ZNF804B: variants seen among roughly 807,000 people sequenced by gnomAD.
ZNF804B encodes the protein zinc finger protein 804B, also known as zinc finger 804B.
In ZNF804B, 80 loss-of-function variants were observed where a neutral mutation model predicts 101.4. The ratio of observed to expected loss-of-function variants is 0.79; its 90% CI spans 0.66 to 0.95. The LOEUF is 0.95. Ranked by LOEUF, ZNF804B falls within the 40% of genes least tolerant of loss-of-function variation. The pLI is 0.00. For synonymous variants in ZNF804B, 622 were observed against 558.8 expected (o/e 1.11, Z -1.59); for missense variants, 1,673 against 1,561.9 (o/e 1.07, Z -1.20).
rs75125937 is a variant in ZNF804B, at chr7:88,785,149, C to A, written c.108+25065C>A. Among the ~76,000 whole-genome samples the A allele has an allele frequency of 8.1e-4, 124 of 152,208 alleles. 2 individuals are homozygous for A. The East Asian group carries it at 0.023, about 28-fold the overall frequency. On this transcript the variant is annotated intron_variant, in intron 1 of 3. Coordinates refer to ENST00000333190, the MANE Select transcript of ZNF804B (RefSeq NM_181646.5). ...TAACGTTGATGATTCTCAGACACCT[C>A]AAATTCGGCATGTTCAAAACGACAA...
chr7:89,281,080 A>G (rs1178325826), intron 2 of ZNF804B, among the ~76,000 whole-genome samples: 2 of 152,226 alleles, frequency 1.3e-5, no homozygotes, highest in African/African-American at 4.8e-5. Flanking sequence ...CTGAAAAGGT[A>G]GTCATATCAT....
rs79734979 is a variant in ZNF804B, at chr7:89,335,501, G to A, written c.2519G>A (p.Ser840Asn). 8.5e-4 allele frequency: 1,378 copies of A among 1,613,936 alleles called. 8 individuals are homozygous for A. The African/African-American group carries it at 0.014, about 17-fold the overall frequency. ...SNSQISCTGS[S>N]KKPPNCQGTQ... ...TCACAGATTTCCTGTACTGGAAGCA[G>A]TAAAAAACCACCTAATTGCCAGGGA... Residue 840 changes from serine to asparagine, a missense_variant, in exon 4 of 4, where the codon AGT becomes AAT. Coordinates refer to ENST00000333190, the MANE Select transcript of ZNF804B (RefSeq NM_181646.5).
At chr7:89,312,630 T>C (rs10274783) in intron 2 of ZNF804B, among the ~76,000 whole-genome samples, 31,514 of 152,014 alleles carry the variant, frequency 0.21, 4,040 homozygotes, top group Admixed American at 0.27. Context: ...GCTTCTAACA[T>C]GGGAGATCTT....
chr7:89,246,832 A>C (rs1479416551), intron 2 of ZNF804B, among the ~76,000 whole-genome samples: 1 of 152,044 alleles, frequency 6.6e-6, no homozygotes, highest in South Asian at 2.1e-4. Flanking sequence ...TATTAAAAGC[A>C]TATACTTGAG....
At chr7:89,247,804 G>A (rs1202263880) in intron 2 of ZNF804B, among the ~76,000 whole-genome samples, 1 of 151,906 alleles carries the variant, frequency 6.6e-6, no homozygotes, top group African/African-American at 2.4e-5. Context: ...TGGATTACAA[G>A]GAAGCTCAAC....
chr7:89,103,193 G>A (rs892147007), intron 1 of ZNF804B, among the ~76,000 whole-genome samples: 1 of 145,548 alleles, frequency 6.9e-6, no homozygotes, highest in Non-Finnish European at 1.5e-5. Flanking sequence ...GGTTATTCAG[G>A]CTTTTTTTTT....
intron 1 of ZNF804B, among the ~76,000 whole-genome samples, chr7:89,215,400 G>T (rs1788874151): frequency 6.6e-6 from 1 of 152,092 alleles, no homozygotes; most frequent in Admixed American, 6.5e-5. Context: ...TTGAACTACT[G>T]TCATAAAATC....
intron 1 of ZNF804B, among the ~76,000 whole-genome samples, chr7:89,031,211 GTA>G (rs779823005): frequency 5.4e-5 from 8 of 147,212 alleles, no homozygotes; most frequent in Middle Eastern, 7.1e-3. Context: ...GTGTGTGTGT[GTA>G]TATATATATA....
chr7:88,872,348 T>A (rs1419199141), intron 1 of ZNF804B, among the ~76,000 whole-genome samples: 1 of 152,086 alleles, frequency 6.6e-6, no homozygotes, highest in African/African-American at 2.4e-5. Flanking sequence ...ACCTAGCAGT[T>A]TGAGGCTGCA....
At chr7:88,845,739 C>T (rs1382386941) in intron 1 of ZNF804B, among the ~76,000 whole-genome samples, 3 of 152,160 alleles carry the variant, frequency 2.0e-5, no homozygotes. Context: ...TTCCCTGAGC[C>T]TCTCTTCTGT....
chr7:89,332,541 G>C (rs1427729810), intron 3 of ZNF804B, among the ~76,000 whole-genome samples: 1 of 151,782 alleles, frequency 6.6e-6, no homozygotes, highest in Non-Finnish European at 1.5e-5. Flanking sequence ...TTTTATAGTA[G>C]AGGGTATATA....
chr7:88,820,753 G>A (rs1378814275), intron 1 of ZNF804B, among the ~76,000 whole-genome samples: 3 of 151,974 alleles, frequency 2.0e-5, no homozygotes, highest in African/African-American at 7.3e-5. Flanking sequence ...TGAGGAGGAG[G>A]GAAGGATTTG....
At position 88,910,909 on chromosome 7, in the gene ZNF804B, G is replaced by A. The variant is rs568149156; in HGVS notation, c.108+150825G>A. ...GCCAGAGTATGCAGGTGCCATAAGA[G>A]CTAAAAAGTTTCAAATTTAAGAGTA... On this transcript the variant is annotated intron_variant, in intron 1 of 3. Transcript: ENST00000333190. Among the ~76,000 whole-genome samples, 11 of 152,032 alleles carry A rather than the reference G, an allele frequency of 7.2e-5. No homozygotes were observed. In the East Asian group the frequency reaches 1.9e-3, roughly 27 times the overall value.
At chr7:89,222,288 G>T (rs930473543) in intron 2 of ZNF804B, among the ~76,000 whole-genome samples, 1 of 151,822 alleles carries the variant, frequency 6.6e-6, no homozygotes, top group Admixed American at 6.6e-5. Flanking sequence ...AGTGCATCTT[G>T]TCCTCATTTT....
chr7:88,883,316 T>C (rs1310635965), intron 1 of ZNF804B, among the ~76,000 whole-genome samples: 10 of 152,120 alleles, frequency 6.6e-5, no homozygotes, highest in Admixed American at 5.3e-4. Context: ...GAATCCTTTT[T>C]TTCTTTGTCT....
intron 1 of ZNF804B, among the ~76,000 whole-genome samples, chr7:88,826,351 C>A (rs1055507553): frequency 1.3e-5 from 2 of 152,142 alleles, no homozygotes; most frequent in African/African-American, 4.8e-5. Context: ...AACCTCCCTG[C>A]AACTACTTTT....
chr7:89,070,806 C>T (rs754543128), intron 1 of ZNF804B, among the ~76,000 whole-genome samples: 9 of 151,936 alleles, frequency 5.9e-5, no homozygotes, highest in African/African-American at 9.7e-5. Flanking sequence ...TCAAGGAGCT[C>T]GCTGCCCCTT....
chr7:88,777,811 G>GCACT (rs1292407897), intron 1 of ZNF804B, among the ~76,000 whole-genome samples: 2 of 139,328 alleles, frequency 1.4e-5, no homozygotes, highest in East Asian at 4.4e-4. Context: ...TCACACCACT[G>GCACT]CACTCCAGCA....
chr7:88,908,247 T>A (rs1298442254), intron 1 of ZNF804B, among the ~76,000 whole-genome samples: 1 of 151,844 alleles, frequency 6.6e-6, no homozygotes, highest in Admixed American at 6.6e-5. Flanking sequence ...TATTTTACTT[T>A]AAGTTTTAGG....
Sources: allele counts gnomAD v4.1 joint callset (sites outside exome capture counted in the v4.1 genomes callset), GRCh38; gene constraint gnomAD v4.1.1; transcripts MANE v1.5; gene names NCBI Gene and HGNC (gene_info 2026-07-23, HGNC 2026-07-21).